The following XDH variants were observed in gnomAD, a reference collection of about 807,000 sequenced individuals.
The protein encoded by XDH is xanthine dehydrogenase/oxidase.
In XDH, 138 loss-of-function variants were observed where a neutral mutation model predicts 156.1. That is an observed-to-expected ratio of 0.88 (90% CI 0.77 to 1.02). The LOEUF (loss-of-function observed/expected upper bound fraction) is 1.02. Among genes scored for constraint, XDH ranks in the 50% least tolerant of loss-of-function variants. The pLI is 0.00. For missense variants in XDH, 1,849 were observed against 1,684.9 expected (o/e 1.10, Z -1.71); for synonymous variants, 669 against 625.7 (o/e 1.07, Z -1.03).
In XDH at chr2:31,403,035, A is replaced by C; in HGVS notation, c.197+13T>G. ...GCCCCCATGTGGGTGGTCAGCCAGC[A>C]GGCAAAGGATACACGATCTTGTTCT... is the stretch of plus-strand genomic sequence containing the variant. On this transcript the variant is annotated intron_variant, in intron 3 of 35. Transcript: ENST00000379416. The C allele has an allele frequency of 6.2e-7, 1 of 1,614,072 alleles. No homozygotes were observed. The highest frequency in any genetic ancestry group is 8.5e-7 in the Non-Finnish European group (1 of 1,179,972).
intron 24 of XDH, among the ~76,000 whole-genome samples, chr2:31,362,280 T>C (rs1465605107): frequency 6.6e-6 from 1 of 152,136 alleles, no homozygotes; most frequent in Non-Finnish European, 1.5e-5. Flanking sequence ...TCAGAAAAGA[T>C]GTCTGGATCC....
chr2:31,348,996 T>C lies in XDH; in HGVS notation c.2970-16A>G, dbSNP rs1473936594. 1 of 1,607,378 alleles carries C rather than the reference T, an allele frequency of 6.2e-7. No homozygotes were observed. Among genetic ancestry groups the C allele is most frequent in the African/African-American group, 1.3e-5 (1 of 74,810 alleles). On this transcript the variant is annotated splice_polypyrimidine_tract_variant and intron_variant, in intron 26 of 35. Coordinates refer to ENST00000379416, the MANE Select transcript of XDH (RefSeq NM_000379.4). ...ACAATTCTCCCTAGAGAAAAAGGAA[T>C]ATTCTTATAGAACCTTCGCTATCAT...
At chr2:31,343,466 A>C (rs1291850291) in intron 31 of XDH, among the ~76,000 whole-genome samples, 1 of 134,468 alleles carries the variant, frequency 7.4e-6, no homozygotes, top group East Asian at 2.3e-4. Context: ...TGCCTTATAC[A>C]TATATGTATA....
intron 25 of XDH, 42 bp from the exon 26 acceptor site, chr2:31,349,873 A>G: frequency 6.2e-7 from 1 of 1,612,834 alleles, no homozygotes. Flanking sequence ...TGGCGGCAAG[A>G]GACTGTGGGG....
At chr2:31,364,319 C>G (rs1159741211) in intron 23 of XDH, 75 bp from the exon 24 acceptor site, 2 of 1,433,240 alleles carry the variant, frequency 1.4e-6, no homozygotes, top group East Asian at 4.6e-5. Context: ...TCTGATCCTC[C>G]CTCCCACTTA....
At chr2:31,404,988 G>T (rs755197453) in intron 2 of XDH, among the ~76,000 whole-genome samples, 1 of 152,228 alleles carries the variant, frequency 6.6e-6, no homozygotes, top group Non-Finnish European at 1.5e-5. Flanking sequence ...TTTGTTGACA[G>T]AGGTCAGGAT....
chr2:31,377,124 C>A lies in XDH; in HGVS notation c.1356G>T (p.Leu452=). The stretch of plus-strand genomic sequence containing the variant: ...TGGCCATTCCACCATAGCAAAGGGC[C>A]AGCTCCTGTACCTCTGTGGTTCCTG... The part of the protein sequence containing the change: ...FKPGTTEVQE[L]ALCYGGMANR... The change falls in exon 14 of 36, where the codon CTG becomes CTT. Residue 452 remains leucine (L), a synonymous_variant. Coordinates refer to ENST00000379416, the MANE Select transcript of XDH (RefSeq NM_000379.4). The A allele has an allele frequency of 6.2e-7, 1 of 1,614,130 alleles. No individual in the cohort carries two copies. The highest frequency in any genetic ancestry group is 8.5e-7 in the Non-Finnish European group (1 of 1,180,018).
intron 24 of XDH, among the ~76,000 whole-genome samples, chr2:31,363,394 G>A (rs1209074365): frequency 1.3e-5 from 2 of 152,154 alleles, no homozygotes; most frequent in East Asian, 3.8e-4. Flanking sequence ...AAACTACATA[G>A]TGTATGGTTC....
intron 16 of XDH, among the ~76,000 whole-genome samples, chr2:31,372,698 A>T (rs1332114292): frequency 2.0e-5 from 3 of 152,228 alleles, no homozygotes; most frequent in African/African-American, 7.2e-5. Context: ...CCATTAAAAC[A>T]TACTTTTGAA....
intron 24 of XDH, among the ~76,000 whole-genome samples, chr2:31,362,829 C>T (rs1161493120): frequency 1.3e-5 from 2 of 152,096 alleles, no homozygotes. Context: ...GGAATTTAGT[C>T]AAGAGAAATC....
chr2:31,385,316 T>C (rs1686558739), intron 9 of XDH, among the ~76,000 whole-genome samples: 1 of 152,156 alleles, frequency 6.6e-6, no homozygotes, highest in Non-Finnish European at 1.5e-5. Flanking sequence ...TTTCTTGAGG[T>C]GTGTCTCAGC....
chr2:31,346,058 C>T (rs931142135), intron 30 of XDH, among the ~76,000 whole-genome samples: 8 of 152,056 alleles, frequency 5.3e-5, no homozygotes, highest in Non-Finnish European at 8.8e-5. Context: ...TCTAGTGAGC[C>T]GGTTTATGTG....
chr2:31,414,077 G>A (rs568463185), intron 1 of XDH, among the ~76,000 whole-genome samples: 1 of 152,140 alleles, frequency 6.6e-6, no homozygotes, highest in South Asian at 2.1e-4. Flanking sequence ...AAAAAAAATT[G>A]TGGTTTGCCA....
intron 6 of XDH, among the ~76,000 whole-genome samples, chr2:31,396,629 A>T (rs540487998): frequency 4.1e-4 from 62 of 152,268 alleles, no homozygotes; most frequent in African/African-American, 1.5e-3. Flanking sequence ...TTTTTCCCAT[A>T]CTTTTAATGG....
intron 3 of XDH, among the ~76,000 whole-genome samples, chr2:31,402,148 G>T (rs1280368061): frequency 6.6e-6 from 1 of 152,064 alleles, no homozygotes; most frequent in Non-Finnish European, 1.5e-5. Flanking sequence ...TACTTCTTAC[G>T]AATATCTTTA....
rs753758631 is a variant in XDH, at chr2:31,401,300, G to A, written c.226C>T (p.Pro76Ser). Reference sequence around the variant, plus strand: ...GCAACATGGTGCAAGGAGCAGATGGGGGCCAGGCAGGCATTGGCAGAAAAG... The same window carrying A: ...GCAACATGGTGCAAGGAGCAGATGGAGGCCAGGCAGGCATTGGCAGAAAAG... The part of the protein sequence containing the change: ...VHFSANACLA[P>S]ICSLHHVAVT... The change falls in exon 4 of 36, where the codon CCC becomes TCC. Residue 76 changes from proline (P) to serine (S), a missense_variant. By Grantham distance (74) the Pro-to-Ser change is moderately conservative. Coordinates refer to ENST00000379416, the MANE Select transcript of XDH (RefSeq NM_000379.4). 1 of 1,614,178 alleles carries A rather than the reference G, an allele frequency of 6.2e-7. No homozygotes were observed. The highest frequency in any genetic ancestry group is 8.5e-7 in the Non-Finnish European group (1 of 1,180,034).
chr2:31,379,427 C>G (rs1686370117), intron 13 of XDH, among the ~76,000 whole-genome samples: 1 of 152,206 alleles, frequency 6.6e-6, no homozygotes. Context: ...CTGACATGGG[C>G]AGGAATCCTC....
At chr2:31,385,207 A>G (rs1189388133) in intron 9 of XDH, among the ~76,000 whole-genome samples, 1 of 152,046 alleles carries the variant, frequency 6.6e-6, no homozygotes, top group East Asian at 1.9e-4. Flanking sequence ...AGGAAAAAAA[A>G]AGAAGGACCT....
intron 12 of XDH, among the ~76,000 whole-genome samples, chr2:31,380,637 C>T (rs45603041): frequency 0.02 from 2,986 of 152,370 alleles, 109 homozygotes; most frequent in African/African-American, 0.067. Flanking sequence ...TGTGGCTCCA[C>T]TGGGAGAAGT....
Sources: allele counts gnomAD v4.1 joint callset (sites outside exome capture counted in the v4.1 genomes callset), GRCh38; gene constraint gnomAD v4.1.1; transcripts MANE v1.5; gene names NCBI Gene and HGNC (gene_info 2026-07-23, HGNC 2026-07-21).